ZNF426: variants seen among roughly 807,000 people sequenced by gnomAD.
The protein encoded by ZNF426 is CTC-543D15.7.
In ZNF426, 23 loss-of-function variants were observed where a neutral mutation model predicts 24.0. The observed-to-expected ratio is 0.96, with a 90% CI of 0.69 to 1.36. ZNF426 has a LOEUF of 1.36. Among genes scored for constraint, ZNF426 ranks in the 40% most tolerant of loss-of-function variants. The probability of loss-of-function intolerance (pLI) is 0.00; values close to 1 mark genes in which losing one functional copy is unlikely to be tolerated. For synonymous variants in ZNF426, 272 were observed against 224.6 expected (o/e 1.21, Z -1.89); for missense variants, 646 against 658.4 (o/e 0.98, Z 0.21).
chr19:9,531,370 CAG>C (rs1201931036), intron 6 of ZNF426, among the ~76,000 whole-genome samples: 1 of 152,064 alleles, frequency 6.6e-6, no homozygotes, highest in South Asian at 2.1e-4. Context: ...TGGCAACAAA[CAG>C]AGTGAACCAC....
chr19:9,529,752 T>C, intron 7 of ZNF426, 116 bp from the exon 8 acceptor site: 1 of 922,906 alleles, frequency 1.1e-6, no homozygotes, highest in Admixed American at 3.0e-5. Context: ...TTTTATTACA[T>C]GCATTCAGGT....
intron 2 of ZNF426, among the ~76,000 whole-genome samples, chr19:9,537,655 CT>C (rs1019929409): frequency 6.6e-6 from 1 of 150,506 alleles, no homozygotes; most frequent in African/African-American, 2.4e-5. Flanking sequence ...CTTCGTTTCT[CT>C]TTTTTTTCTT....
chr19:9,533,407 GA>G (rs1282245165), intron 5 of ZNF426, among the ~76,000 whole-genome samples: 5 of 152,222 alleles, frequency 3.3e-5, no homozygotes, highest in Non-Finnish European at 7.3e-5. Flanking sequence ...AGTGAGCTGA[GA>G]TCATGCCAGT....
At chr19:9,530,830 A>T (rs2073872030) in intron 7 of ZNF426, among the ~76,000 whole-genome samples, 155 bp downstream of exon 7, 2 of 152,194 alleles carry the variant, frequency 1.3e-5, no homozygotes, top group Non-Finnish European at 2.9e-5. Context: ...CTCCAAAGAA[A>T]CAAGTTTCAC....
rs145920906 is a variant in ZNF426, at chr19:9,527,422, T to A, written c.*958A>T. ...CTTGCGTTCACAGTAAAAGAAACTT[T>A]CTTTCCTTTTTTCTCCTCTATTTTC... On this transcript the variant is annotated 3_prime_UTR_variant, in exon 8 of 8. Coordinates refer to ENST00000253115, the MANE Select transcript of ZNF426 (RefSeq NM_024106.3). 6.6e-6 allele frequency: 1 copy of A among 152,214 alleles called. No individual in the cohort carries two copies. The highest frequency in any genetic ancestry group is 6.6e-5 in the Admixed American group (1 of 15,254). The allele number at this position is 152,214 out of a possible 1,614,324, so 9.4% of individuals were successfully genotyped here.
chr19:9,532,278 CTTTTTTTT>C (rs1020434068), intron 6 of ZNF426, among the ~76,000 whole-genome samples: 1 of 117,454 alleles, frequency 8.5e-6, no homozygotes, highest in Non-Finnish European at 1.8e-5. Flanking sequence ...TTCTTTTTTT[CTTTTTTTT>C]TTTTTTTTTT....
In ZNF426 at chr19:9,528,385, G is replaced by C. The variant is rs1177684810; in HGVS notation, c.1660C>G (p.His554Asp). Reference protein sequence around the residue: ...PRSLRRHEQIH With the variant: ...PRSLRRHEQID ...ATTACATGGACAGTTTCTCACTAGT[G>C]AATTTGTTCATGTCTTCGAAGTGAA... Residue 554 changes from histidine to aspartate, a missense_variant, in exon 8 of 8, where the codon CAC (histidine) becomes GAC (aspartate). Coordinates refer to ENST00000253115, the MANE Select transcript of ZNF426 (RefSeq NM_024106.3). 1.3e-6 allele frequency: 2 copies of C among 1,572,044 alleles called. No homozygotes were observed. The highest frequency in any genetic ancestry group is 1.7e-6 in the Non-Finnish European group (2 of 1,161,740).
At position 9,524,765 on chromosome 19, in the gene ZNF426, G is replaced by C. The variant is rs1324229114; in HGVS notation, c.*3615C>G. ...CATTGCACTCCAGCCTGGGCAACAA[G>C]AGCAAAACTCTGCCTCAAAAAAAAA... On this transcript the variant is annotated 3_prime_UTR_variant, in exon 8 of 8. Coordinates refer to ENST00000253115, the MANE Select transcript of ZNF426 (RefSeq NM_024106.3). The C allele has an allele frequency of 4.5e-5, 3 of 67,116 alleles. No homozygotes were observed. The highest frequency in any genetic ancestry group is 5.5e-4 in the East Asian group (1 of 1,822). 4.2% of individuals were successfully genotyped at this position (67,116 alleles called of 1,614,324 possible).
Position 9,525,142 on chromosome 19 carries a change from G to C in ZNF426, c.*3238C>G, listed in dbSNP as rs892538304. The C allele has an allele frequency of 6.6e-6, 1 of 151,270 alleles. No individual in the cohort carries two copies. The highest frequency in any genetic ancestry group is 2.1e-4 in the South Asian group (1 of 4,798). 9.4% of individuals were successfully genotyped at this position (151,270 alleles called of 1,614,324 possible). A position where few individuals can be genotyped will look rare whatever the true frequency, so the allele number is the denominator to read the frequency against. ...CGGGCGCCTGTAGTCCCAGCTACTC[G>C]GGAGGCTGAGGCAGGAGAATGGCGT... is the stretch of plus-strand genomic sequence containing the variant. On this transcript the variant is annotated 3_prime_UTR_variant, in exon 8 of 8. Coordinates refer to ENST00000253115, the MANE Select transcript of ZNF426 (RefSeq NM_024106.3).
At chr19:9,531,213 C>G (rs1318144002) in intron 6 of ZNF426, 146 bp from the exon 7 acceptor site, 1 of 609,982 alleles carries the variant, frequency 1.6e-6, no homozygotes, top group Non-Finnish European at 2.9e-6. Flanking sequence ...GGCAAAACCC[C>G]ACCTCTACTA....
intron 7 of ZNF426, 74 bp from the exon 8 acceptor site, chr19:9,529,710 A>C: frequency 7.1e-7 from 1 of 1,402,854 alleles, no homozygotes; most frequent in Non-Finnish European, 9.6e-7. Flanking sequence ...TGAAGCTAGA[A>C]ACATTATAAT....
intron 6 of ZNF426, among the ~76,000 whole-genome samples, chr19:9,532,278 C>CTTTTTTTTTTT (rs1020434068): frequency 4.3e-5 from 5 of 117,454 alleles, no homozygotes; most frequent in Non-Finnish European, 7.0e-5. Context: ...TTCTTTTTTT[C>CTTTTTTTTTTT]TTTTTTTTTT....
Position 9,529,430 on chromosome 19 carries a change from G to C in ZNF426, c.615C>G (p.Ile205Met), listed in dbSNP as rs899670839. Residue 205 changes from isoleucine (I) to methionine (M), a missense_variant, in exon 8 of 8, where the codon ATC becomes ATG. By Grantham distance (10) the Ile-to-Met change is conservative. Transcript: ENST00000253115. ...ATACAATATTTGGTGTCAGGCTGAAGATTTTTTCACTCTGATTAAACTCAG... is the reference window on the plus strand; with the variant it reads ...ATACAATATTTGGTGTCAGGCTGAACATTTTTTCACTCTGATTAAACTCAG... ...KLSEFNQSEKIFSLTPNIVYQ... is the reference protein window; with the variant it reads ...KLSEFNQSEKMFSLTPNIVYQ... 1 of 1,613,742 alleles carries C rather than the reference G, an allele frequency of 6.2e-7. No individual in the cohort carries two copies. The highest frequency in any genetic ancestry group is 8.5e-7 in the Non-Finnish European group (1 of 1,179,900).
Position 9,523,536 on chromosome 19 carries a change from G to A in ZNF426, c.*4844C>T, listed in dbSNP as rs1010938633. 2 of 152,198 alleles carry A rather than the reference G, an allele frequency of 1.3e-5. No homozygotes were observed. Among genetic ancestry groups the A allele is most frequent in the African/African-American group, 2.4e-5 (1 of 41,444 alleles). 9.4% of individuals were successfully genotyped at this position (152,198 alleles called of 1,614,324 possible). On this transcript the variant is annotated 3_prime_UTR_variant, in exon 8 of 8. Coordinates refer to ENST00000253115, the MANE Select transcript of ZNF426 (RefSeq NM_024106.3). ...ATACCACCATTATCTTGAGGTCCCAGGGATGAAAGCCTTAATGTTAATGAG... is the reference window on the plus strand; with the variant it reads ...ATACCACCATTATCTTGAGGTCCCAAGGATGAAAGCCTTAATGTTAATGAG...
At position 9,528,874 on chromosome 19, in the gene ZNF426, G is replaced by A. The variant is rs751487546; in HGVS notation, c.1171C>T (p.Pro391Ser). ...QHIRTHTGEK[P>S]FVCVECGKAF... ...TTCCCACATTCAACACATACAAAAG[G>A]CTTCTCTCCAGTGTGAGTTCTTATA... The change falls in exon 8 of 8, where the codon CCT (proline) becomes TCT (serine). Residue 391 changes from proline to serine, a missense_variant. By Grantham distance (74) the Pro-to-Ser change is moderately conservative (BLOSUM62 -1). Coordinates refer to ENST00000253115, the MANE Select transcript of ZNF426 (RefSeq NM_024106.3). 2 of 1,614,130 alleles carry A rather than the reference G, an allele frequency of 1.2e-6. No homozygotes were observed. Among genetic ancestry groups the A allele is most frequent in the South Asian group, 1.1e-5 (1 of 91,080 alleles).
At position 9,529,195 on chromosome 19, in the gene ZNF426, C is replaced by G. The variant is rs1178059129; in HGVS notation, c.850G>C (p.Glu284Gln). Residue 284 changes from glutamate to glutamine, a missense_variant, in exon 8 of 8, where the codon GAA becomes CAA. Physicochemically the swap from Glu to Gln is conservative, Grantham distance 29 (BLOSUM62 2). Transcript: ENST00000253115. The stretch of plus-strand genomic sequence containing the variant: ...GGGTATCTATAGCCTTTTCCACATT[C>G]CTTACATTTGTAGGGCTTTTTTGCA... ...LNAKKPYKCK[E>Q]CGKGYRYPAY... The G allele has an allele frequency of 3.1e-6, 5 of 1,614,068 alleles. No individual in the cohort carries two copies. The African/African-American group carries it at 5.3e-5, about 17-fold the overall frequency.
At position 9,527,259 on chromosome 19, in the gene ZNF426, A is replaced by C. The variant is rs544372790; in HGVS notation, c.*1121T>G. 1 of 152,172 alleles carries C rather than the reference A, an allele frequency of 6.6e-6. No individual in the cohort carries two copies. The highest frequency in any genetic ancestry group is 2.4e-5 in the African/African-American group (1 of 41,450). 9.4% of individuals were successfully genotyped at this position (152,172 alleles called of 1,614,324 possible). ...AATTAATGTAAGGCTTCCTACATGC[A>C]TTACAGGTAAAAGGCTTCTCTCCAG... is the stretch of plus-strand genomic sequence containing the variant. On this transcript the variant is annotated 3_prime_UTR_variant, in exon 8 of 8. Coordinates refer to ENST00000253115, the MANE Select transcript of ZNF426 (RefSeq NM_024106.3).
At position 9,533,833 on chromosome 19, in the gene ZNF426, G is replaced by A; in HGVS notation, c.244+7C>T. The A allele has an allele frequency of 8.1e-6, 13 of 1,614,038 alleles. No homozygotes were observed. The highest frequency in any genetic ancestry group is 1.0e-5 in the Non-Finnish European group (12 of 1,179,932). Reference sequence around the variant, plus strand: ...TAGAAGGCTGCAAGGGATGAGGCCAGTCTTACCTACTGTGGCCAGGTTCTT... The same window carrying A: ...TAGAAGGCTGCAAGGGATGAGGCCAATCTTACCTACTGTGGCCAGGTTCTT... On this transcript the variant is annotated splice_region_variant and intron_variant, in intron 5 of 7. Transcript: ENST00000253115.
Position 9,533,866 on chromosome 19 carries a change from T to C in ZNF426, c.218A>G (p.Glu73Gly), listed in dbSNP as rs1473341766. 6.2e-7 allele frequency: 1 copy of C among 1,614,016 alleles called. No homozygotes were observed. Among genetic ancestry groups the C allele is most frequent in the Non-Finnish European group, 8.5e-7 (1 of 1,179,998 alleles). The change falls in exon 5 of 8, where the codon GAG (glutamate) becomes GGG (glycine). Residue 73 changes from glutamate to glycine, a missense_variant. Coordinates refer to ENST00000253115, the MANE Select transcript of ZNF426 (RefSeq NM_024106.3). ...QRSLYSDVML[E>G]NYKNLATVGG... The stretch of plus-strand genomic sequence containing the variant: ...TACTGTGGCCAGGTTCTTGTAGTTC[T>C]CCAGCATCACGTCACTGTAGAGGCT...
Sources: allele counts gnomAD v4.1 joint callset (sites outside exome capture counted in the v4.1 genomes callset), GRCh38; gene constraint gnomAD v4.1.1; transcripts MANE v1.5; gene names NCBI Gene and HGNC (gene_info 2026-07-23, HGNC 2026-07-21).